The following AGBL4 variants were observed in gnomAD, a reference collection of about 807,000 sequenced individuals.
AGBL4 encodes AGBL carboxypeptidase 4.
In AGBL4, 58 loss-of-function variants were observed where a neutral mutation model predicts 66.4. The ratio of observed to expected loss-of-function variants is 0.87; its 90% CI spans 0.71 to 1.09. The LOEUF (loss-of-function observed/expected upper bound fraction) is 1.09. AGBL4 is among the 50% of genes least tolerant of loss of function. The pLI is 0.00. For synonymous variants in AGBL4, 234 were observed against 222.9 expected (o/e 1.05, Z -0.44); for missense variants, 579 against 631.0 (o/e 0.92, Z 0.88).
chr1:48,843,685 G>A lies in AGBL4; in HGVS notation c.634+23506C>T, dbSNP rs183740686. ...ATTCCAAATTCTGAATTTCATTGACGCCCAGATTAATAGAACTTTCTAGTC... is the reference window on the plus strand; with the variant it reads ...ATTCCAAATTCTGAATTTCATTGACACCCAGATTAATAGAACTTTCTAGTC... On this transcript the variant is annotated intron_variant, in intron 6 of 13. Coordinates refer to ENST00000371839, the MANE Select transcript of AGBL4 (RefSeq NM_032785.4). 1.3e-4 allele frequency among the ~76,000 whole-genome samples: 19 copies of A among 151,388 alleles called. No homozygotes were observed. The East Asian group carries it at 2.3e-3, about 19-fold the overall frequency.
intron 6 of AGBL4, among the ~76,000 whole-genome samples, chr1:48,819,696 C>A (rs1053411422): frequency 6.6e-6 from 1 of 152,206 alleles, no homozygotes; most frequent in African/African-American, 2.4e-5. Flanking sequence ...GGAGGAAAAA[C>A]AAGCTCCAGA....
chr1:49,574,642 C>T (rs1279147181), intron 3 of AGBL4, among the ~76,000 whole-genome samples: 1 of 152,124 alleles, frequency 6.6e-6, no homozygotes, highest in Non-Finnish European at 1.5e-5. Context: ...GTGGGAACCA[C>T]AGTCACTCAA....
intron 2 of AGBL4, chr1:49,844,884 G>T: frequency 7.0e-7 from 1 of 1,433,234 alleles, no homozygotes; most frequent in Non-Finnish European, 9.8e-7. Flanking sequence ...CAGCCTTGAT[G>T]CCTTTGAAGA....
chr1:49,175,871 A>G (rs988572682), intron 4 of AGBL4, among the ~76,000 whole-genome samples: 1 of 152,140 alleles, frequency 6.6e-6, no homozygotes, highest in Non-Finnish European at 1.5e-5. Context: ...AAAAGATAAG[A>G]TGCTACCTGT....
intron 6 of AGBL4, among the ~76,000 whole-genome samples, chr1:48,735,334 C>T (rs1272713108): frequency 6.6e-6 from 1 of 152,070 alleles, no homozygotes; most frequent in Non-Finnish European, 1.5e-5. Flanking sequence ...TGTCTTACCC[C>T]TCTTTGTGTC....
chr1:48,957,335 G>A (rs1197348341), intron 5 of AGBL4, among the ~76,000 whole-genome samples: 3 of 151,990 alleles, frequency 2.0e-5, no homozygotes, highest in Non-Finnish European at 4.4e-5. Context: ...ATTCAACTTC[G>A]GTATAGTAAT....
intron 2 of AGBL4, among the ~76,000 whole-genome samples, chr1:49,706,858 G>C (rs1373211086): frequency 6.6e-6 from 1 of 152,168 alleles, no homozygotes; most frequent in Admixed American, 6.6e-5. Flanking sequence ...ATGGTTTTGA[G>C]TGAGTATCTT....
chr1:48,691,526 G>C (rs972940900), intron 6 of AGBL4, among the ~76,000 whole-genome samples: 1 of 152,174 alleles, frequency 6.6e-6, no homozygotes, highest in Non-Finnish European at 1.5e-5. Flanking sequence ...CGTTAAGAAT[G>C]AGAATGTTCG....
intron 5 of AGBL4, among the ~76,000 whole-genome samples, chr1:48,890,000 G>C (rs1338515276): frequency 1.3e-5 from 2 of 151,816 alleles, no homozygotes; most frequent in African/African-American, 4.8e-5. Context: ...GTGTGTGTGT[G>C]TGTGTGTGTG....
chr1:49,541,720 T>G (rs192229722), intron 3 of AGBL4, among the ~76,000 whole-genome samples: 238 of 152,286 alleles, frequency 1.6e-3, no homozygotes, highest in Non-Finnish European at 3.0e-3. Flanking sequence ...GGCGAGGGAA[T>G]GGCGGGCAGC....
At chr1:49,161,938 G>A (rs1025728671) in intron 4 of AGBL4, among the ~76,000 whole-genome samples, 3 of 152,078 alleles carry the variant, frequency 2.0e-5, no homozygotes, top group African/African-American at 7.2e-5. Flanking sequence ...TTGACTTTCT[G>A]AGCCTCATTT....
chr1:48,940,783 G>C (rs79811895), intron 5 of AGBL4, among the ~76,000 whole-genome samples: 1,933 of 152,280 alleles, frequency 0.013, 39 homozygotes, highest in African/African-American at 0.041. Flanking sequence ...GAAAAGTTCA[G>C]CTTGCTCTCA....
At chr1:49,968,984 C>T (rs1182046204) in intron 1 of AGBL4, among the ~76,000 whole-genome samples, 4 of 152,186 alleles carry the variant, frequency 2.6e-5, no homozygotes, top group South Asian at 2.1e-4. Context: ...CAAAACATCA[C>T]CCAAGCTGAC....
intron 11 of AGBL4, among the ~76,000 whole-genome samples, chr1:48,555,044 A>G (rs1316288816): frequency 6.6e-6 from 1 of 152,190 alleles, no homozygotes; most frequent in Non-Finnish European, 1.5e-5. Flanking sequence ...AGACATGTAA[A>G]TAAAAGTTGC....
At chr1:49,102,574 C>T (rs1645222475) in intron 4 of AGBL4, among the ~76,000 whole-genome samples, 1 of 152,082 alleles carries the variant, frequency 6.6e-6, no homozygotes, top group African/African-American at 2.4e-5. Context: ...TACAATTTTA[C>T]AGTGTTAGAC....
At chr1:49,335,524 CT>C (rs531575652) in intron 3 of AGBL4, among the ~76,000 whole-genome samples, 76 of 147,414 alleles carry the variant, frequency 5.2e-4, no homozygotes, top group Non-Finnish European at 1.0e-3. Flanking sequence ...TTTTTTTTTT[CT>C]TTTTTTTTGA....
intron 3 of AGBL4, among the ~76,000 whole-genome samples, chr1:49,618,980 G>A (rs1645304465): frequency 6.6e-6 from 1 of 151,990 alleles, no homozygotes; most frequent in African/African-American, 2.4e-5. Flanking sequence ...AAAATAATAA[G>A]AGCTATTTAT....
intron 3 of AGBL4, among the ~76,000 whole-genome samples, chr1:49,439,217 AGT>A (rs539922003): frequency 6.6e-4 from 100 of 152,318 alleles, no homozygotes; most frequent in African/African-American, 2.2e-3. Context: ...GGAAAGGCCA[AGT>A]GAATGGCAAG....
intron 5 of AGBL4, among the ~76,000 whole-genome samples, chr1:49,013,355 A>C (rs183884481): frequency 3.0e-4 from 45 of 152,302 alleles, no homozygotes; most frequent in African/African-American, 1.1e-3. Context: ...AAGCAACACT[A>C]AGCAATGTCC....
Sources: gnomAD v4.1 joint callset for allele counts (sites outside exome capture counted in the v4.1 genomes callset) on GRCh38, gnomAD v4.1.1 for gene constraint, MANE v1.5 for transcripts, NCBI Gene and HGNC (gene_info 2026-07-23, HGNC 2026-07-21) for gene names.